Variants in PABPC4L observed in about 807,000 individuals in gnomAD.
The protein encoded by PABPC4L is poly(A) binding protein cytoplasmic 4 like, also known as polyadenylate-binding protein 4-like.
For missense variants in PABPC4L, 452 were observed against 451.4 expected, an observed-to-expected ratio of 1.00 and a Z score of -0.01; for synonymous variants, 169 against 164.1, an observed-to-expected ratio of 1.03 and a Z score of -0.23.
At chr4:133,970,920 C>T in the PABPC4L span, among the ~76,000 whole-genome samples, 2 of 152,048 alleles carry the variant, frequency 1.3e-5, no homozygotes, top group African/African-American at 4.8e-5. Flanking sequence ...TTTCCATAAT[C>T]ATAAGACATA....
chr4:134,127,428 G>A, the PABPC4L span, among the ~76,000 whole-genome samples: 7 of 152,084 alleles, frequency 4.6e-5, no homozygotes, highest in Non-Finnish European at 7.4e-5. Context: ...CACCAGAGTA[G>A]GTGCTGGTAT....
chr4:134,028,686 T>C, the PABPC4L span, among the ~76,000 whole-genome samples: 1 of 152,132 alleles, frequency 6.6e-6, no homozygotes. Flanking sequence ...CAGAACAATG[T>C]TAGCATGAGA....
At chr4:134,160,720 T>C in the PABPC4L span, among the ~76,000 whole-genome samples, 1 of 151,920 alleles carries the variant, frequency 6.6e-6, no homozygotes, top group Non-Finnish European at 1.5e-5. Context: ...TCTCAAAATA[T>C]TAGCCAGGTG....
At chr4:134,149,017 A>G in the PABPC4L span, among the ~76,000 whole-genome samples, 167 of 152,248 alleles carry the variant, frequency 1.1e-3, no homozygotes, top group Non-Finnish European at 2.0e-3. Flanking sequence ...ACACTGAGGC[A>G]TAGGCATTCT....
chr4:134,131,980 T>A, the PABPC4L span, among the ~76,000 whole-genome samples: 6 of 151,918 alleles, frequency 3.9e-5, no homozygotes, highest in African/African-American at 1.4e-4. Context: ...ATTCTGTTCA[T>A]CAAATGGTGC....
chr4:134,162,246 T>C, the PABPC4L span, among the ~76,000 whole-genome samples: 7 of 152,010 alleles, frequency 4.6e-5, no homozygotes, highest in African/African-American at 1.7e-4. Context: ...AATAACAACA[T>C]TGAAGCCACA....
At chr4:133,988,968 G>T in the PABPC4L span, among the ~76,000 whole-genome samples, 8 of 152,156 alleles carry the variant, frequency 5.3e-5, no homozygotes, top group Non-Finnish European at 4.4e-5. Flanking sequence ...AAGGCATGGA[G>T]CTTGCACCCT....
At chr4:134,074,329 G>A in the PABPC4L span, among the ~76,000 whole-genome samples, 108,819 of 151,948 alleles carry the variant, frequency 0.72, 39,523 homozygotes, top group East Asian at 0.95. Context: ...CCTCATCTCC[G>A]TCTGAGACCA....
the PABPC4L span, among the ~76,000 whole-genome samples, chr4:134,033,018 TC>T: frequency 1.7e-5 from 2 of 118,544 alleles, no homozygotes; most frequent in African/African-American, 7.3e-5. Flanking sequence ...GACACAAGTA[TC>T]CTTTTTTTTT....
chr4:134,147,749 G>GTGTTGT, the PABPC4L span, among the ~76,000 whole-genome samples: 40,278 of 148,846 alleles, frequency 0.27, 6,136 homozygotes, highest in East Asian at 0.49. Context: ...GTGTGTGTGT[G>GTGTTGT]TGTTGTTGTT....
the PABPC4L span, among the ~76,000 whole-genome samples, chr4:134,068,755 C>G: frequency 0.46 from 69,757 of 150,926 alleles, 16,846 homozygotes; most frequent in East Asian, 0.93. Flanking sequence ...GTTGCCCAGG[C>G]TGGAGTGCAG....
the PABPC4L span, among the ~76,000 whole-genome samples, chr4:134,101,149 G>T: frequency 3.3e-5 from 5 of 151,428 alleles, no homozygotes; most frequent in Non-Finnish European, 7.4e-5. Flanking sequence ...GCTAGCTGTA[G>T]TTGAATTTTC....
chr4:134,134,671 T>G, the PABPC4L span, among the ~76,000 whole-genome samples: 1 of 149,184 alleles, frequency 6.7e-6, no homozygotes, highest in Middle Eastern at 3.5e-3. Context: ...ATTTTATATA[T>G]AAATAAATAA....
the PABPC4L span, among the ~76,000 whole-genome samples, chr4:134,109,792 C>CTGGCAA: frequency 6.6e-6 from 1 of 151,432 alleles, no homozygotes; most frequent in South Asian, 2.1e-4. Context: ...GTCACTCAGG[C>CTGGCAA]TGGCAATGGC....
At chr4:134,014,118 T>C in the PABPC4L span, among the ~76,000 whole-genome samples, 2 of 152,152 alleles carry the variant, frequency 1.3e-5, no homozygotes, top group Non-Finnish European at 2.9e-5. Flanking sequence ...CCTGAGACAC[T>C]TTACAGCTCT....
At chr4:133,954,271 G>T in the PABPC4L span, among the ~76,000 whole-genome samples, 1 of 152,174 alleles carries the variant, frequency 6.6e-6, no homozygotes, top group Non-Finnish European at 1.5e-5. Flanking sequence ...TTTTCAATGG[G>T]TGAGCGCTCT....
the PABPC4L span, among the ~76,000 whole-genome samples, chr4:134,058,731 C>A: frequency 1.3e-5 from 2 of 151,994 alleles, no homozygotes; most frequent in Non-Finnish European, 2.9e-5. Context: ...AACTTTAATT[C>A]TTCAGATAAA....
chr4:134,198,764 G>A lies in PABPC4L; in HGVS notation c.*1143C>T, dbSNP rs1282113946. On this transcript the variant is annotated 3_prime_UTR_variant, in exon 2 of 2. Transcript: ENST00000421491. ...TGAGGAATATAGATGAAAGGCAGGA[G>A]AGCAAGGAAAATAGGGGAATGGTTC... is the stretch of plus-strand genomic sequence containing the variant. 1 of 151,954 alleles carries A rather than the reference G, an allele frequency of 6.6e-6. No individual in the cohort carries two copies. The highest frequency in any genetic ancestry group is 1.5e-5 in the Non-Finnish European group (1 of 67,836). The allele number at this position is 151,954 out of a possible 1,614,324, so 9.4% of individuals were successfully genotyped here.
the PABPC4L span, among the ~76,000 whole-genome samples, chr4:134,108,653 T>C: frequency 5.3e-5 from 8 of 151,844 alleles, no homozygotes; most frequent in African/African-American, 1.9e-4. Flanking sequence ...TAATTATGAT[T>C]TCCATGTGTG....
Sources: gnomAD v4.1 joint callset for allele counts (sites outside exome capture counted in the v4.1 genomes callset) on GRCh38, gnomAD v4.1.1 for gene constraint, MANE v1.5 for transcripts, NCBI Gene and HGNC (gene_info 2026-07-23, HGNC 2026-07-21) for gene names.